GRID1: variants seen among roughly 807,000 people sequenced by gnomAD.
GRID1 encodes the protein glutamate ionotropic receptor delta type subunit 1.
Under a neutral mutation model 98.0 loss-of-function variants are expected in GRID1, and 28 were observed. The ratio of observed to expected loss-of-function variants is 0.29; its 90% confidence interval spans 0.21 to 0.39. GRID1 has a LOEUF of 0.39. GRID1 is among the 10% of genes least tolerant of loss of function. The pLI, the probability that GRID1 is intolerant of heterozygous loss-of-function variation, is 1.00. For missense variants in GRID1, 1,111 were observed against 1,340.5 expected (o/e 0.83, Z 2.67); for synonymous variants, 553 against 538.5 (o/e 1.03, Z -0.37).
At position 85,712,007 on chromosome 10, in the gene GRID1, T is replaced by A. The variant is rs142197094; in HGVS notation, c.1997+10996A>T. On this transcript the variant is annotated intron_variant, in intron 12 of 15. Transcript: ENST00000327946. ...TATAATAATAATAATACATATGATG[T>A]GTGTACATATACATATATATATCAA... 2.0e-4 allele frequency among the ~76,000 whole-genome samples: 30 copies of A among 151,824 alleles called. No individual in the cohort carries two copies. In the East Asian group the frequency reaches 5.2e-3, roughly 26 times the overall value.
chr10:85,607,838 G>A (rs1842690170), intron 15 of GRID1, among the ~76,000 whole-genome samples: 1 of 140,878 alleles, frequency 7.1e-6, no homozygotes, highest in South Asian at 2.3e-4. Context: ...GTTTGTTTGA[G>A]ACAGGGTCTC....
At chr10:85,713,964 A>G (rs754080182) in intron 12 of GRID1, among the ~76,000 whole-genome samples, 1 of 152,032 alleles carries the variant, frequency 6.6e-6, no homozygotes, top group Admixed American at 6.6e-5. Context: ...CACTCTCACC[A>G]TATCTATTCA....
At chr10:85,794,160 TG>T (rs753859259) in intron 8 of GRID1, among the ~76,000 whole-genome samples, 4 of 152,192 alleles carry the variant, frequency 2.6e-5, no homozygotes, top group Non-Finnish European at 5.9e-5. Flanking sequence ...TTTACCCAAA[TG>T]AAGGCTGTAG....
intron 2 of GRID1, among the ~76,000 whole-genome samples, chr10:86,260,301 A>C (rs1846996163): frequency 6.6e-6 from 1 of 152,244 alleles, no homozygotes; most frequent in Admixed American, 6.5e-5. Flanking sequence ...TACAAACAGC[A>C]CGTACCAGTA....
In GRID1 at chr10:86,241,783, T is replaced by C. The variant is rs1239087073; in HGVS notation, c.236-35135A>G. On this transcript the variant is annotated intron_variant, in intron 2 of 15. Coordinates refer to ENST00000327946, the MANE Select transcript of GRID1 (RefSeq NM_017551.3). ...GAGACAAACCCCCAACCACTGCCCC[T>C]GGGAGGCCATCACCTGCAAGAGCCC... 4.6e-5 allele frequency among the ~76,000 whole-genome samples: 7 copies of C among 152,282 alleles called. No homozygotes were observed. The East Asian group carries it at 1.4e-3, about 29-fold the overall frequency.
At chr10:85,895,017 AT>A (rs375716305) in intron 5 of GRID1, among the ~76,000 whole-genome samples, 1,960 of 84,108 alleles carry the variant, frequency 0.023, 17 homozygotes, top group East Asian at 0.036. Flanking sequence ...AAAAAAAAAA[AT>A]ATATATATAT....
At chr10:86,235,107 C>G (rs1210402778) in intron 2 of GRID1, among the ~76,000 whole-genome samples, 1 of 152,238 alleles carries the variant, frequency 6.6e-6, no homozygotes, top group African/African-American at 2.4e-5. Context: ...CCAGCTCTCT[C>G]CTTGGGCCTT....
At chr10:85,922,524 T>G (rs763026763) in intron 4 of GRID1, among the ~76,000 whole-genome samples, 10 of 152,210 alleles carry the variant, frequency 6.6e-5, no homozygotes, top group Non-Finnish European at 1.3e-4. Context: ...AGCATCTTTT[T>G]AAAACCCCAA....
At chr10:86,336,581 C>A (rs1848224515) in intron 2 of GRID1, among the ~76,000 whole-genome samples, 1 of 152,242 alleles carries the variant, frequency 6.6e-6, no homozygotes, top group Admixed American at 6.5e-5. Flanking sequence ...CCCCATACCC[C>A]TGCCGTCCTC....
chr10:85,921,611 C>T (rs1029032124), intron 4 of GRID1, among the ~76,000 whole-genome samples: 1 of 152,194 alleles, frequency 6.6e-6, no homozygotes, highest in African/African-American at 2.4e-5. Flanking sequence ...GAAAGGAGTC[C>T]CTGAGCACTG....
At chr10:86,217,864 G>C (rs140341902) in intron 2 of GRID1, among the ~76,000 whole-genome samples, 82 of 152,158 alleles carry the variant, frequency 5.4e-4, no homozygotes, top group African/African-American at 1.9e-3. Flanking sequence ...CCTGCAGTTA[G>C]ACTCCTATGG....
intron 4 of GRID1, among the ~76,000 whole-genome samples, chr10:86,019,243 C>T (rs1843018109): frequency 6.6e-6 from 1 of 152,378 alleles, no homozygotes; most frequent in Non-Finnish European, 1.5e-5. Context: ...TGCACACCCG[C>T]ATCCCCAGCG....
chr10:85,619,388 A>G (rs998305260), intron 14 of GRID1, among the ~76,000 whole-genome samples: 2 of 152,234 alleles, frequency 1.3e-5, no homozygotes, highest in African/African-American at 4.8e-5. Flanking sequence ...TAAAGTCTCC[A>G]CATTGACTAC....
At chr10:85,894,971 G>T (rs1841264749) in intron 5 of GRID1, among the ~76,000 whole-genome samples, 1 of 138,688 alleles carries the variant, frequency 7.2e-6, no homozygotes, top group South Asian at 2.2e-4. Context: ...TTGTGTCACT[G>T]CACCACAGCC....
chr10:86,313,202 T>C (rs747148792), intron 2 of GRID1, among the ~76,000 whole-genome samples: 4 of 152,208 alleles, frequency 2.6e-5, no homozygotes, highest in Non-Finnish European at 5.9e-5. Flanking sequence ...CAAGCTCTGT[T>C]TAATTCCTCT....
At chr10:85,855,039 T>C (rs1157918827) in intron 7 of GRID1, among the ~76,000 whole-genome samples, 1 of 152,180 alleles carries the variant, frequency 6.6e-6, no homozygotes, top group Non-Finnish European at 1.5e-5. Context: ...AGACACATGA[T>C]GGTAAGTTGC....
At chr10:86,016,553 C>A (rs1414727850) in intron 4 of GRID1, among the ~76,000 whole-genome samples, 1 of 152,126 alleles carries the variant, frequency 6.6e-6, no homozygotes, top group Non-Finnish European at 1.5e-5. Flanking sequence ...TTTCTGTCTT[C>A]TTCACTCCTA....
At chr10:86,118,490 C>CA (rs564441002) in intron 4 of GRID1, among the ~76,000 whole-genome samples, 281 of 151,952 alleles carry the variant, frequency 1.8e-3, no homozygotes, top group African/African-American at 6.2e-3. Flanking sequence ...TGAAATAAAA[C>CA]AAAAAAATTT....
chr10:86,080,087 A>G (rs1843943974), intron 4 of GRID1, among the ~76,000 whole-genome samples: 1 of 151,986 alleles, frequency 6.6e-6, no homozygotes, highest in African/African-American at 2.4e-5. Context: ...TAATCCCAGC[A>G]CTTTGGGAGG....
Sources: allele counts gnomAD v4.1 joint callset (sites outside exome capture counted in the v4.1 genomes callset), GRCh38; gene constraint gnomAD v4.1.1; transcripts MANE v1.5; gene names NCBI Gene and HGNC (gene_info 2026-07-23, HGNC 2026-07-21).